PRH1: variants seen among roughly 807,000 people sequenced by gnomAD.
The protein encoded by PRH1 is salivary acidic proline-rich phosphoprotein 1/2.
PRH1 carries 7 observed loss-of-function variants against 7.9 expected under a neutral mutation model. That is an observed-to-expected ratio of 0.89 (90% confidence interval 0.50 to 1.67). The LOEUF (loss-of-function observed/expected upper bound fraction) is 1.67, where lower values mean the gene tolerates loss of function less well. PRH1 is among the 40% of genes most tolerant of loss of function. The pLI is 0.00. For missense variants in PRH1, 109 were observed against 223.6 expected, an observed-to-expected ratio of 0.49 and a Z score of 3.27; for synonymous variants, 45 against 80.8, an observed-to-expected ratio of 0.56 and a Z score of 2.38.
intron 2 of PRH1, among the ~76,000 whole-genome samples, chr12:10,949,852 T>C (rs1404633220): frequency 1.3e-5 from 2 of 152,050 alleles, no homozygotes; most frequent in African/African-American, 4.8e-5. Context: ...TTTAGTTTTC[T>C]TCCTCCCACA....
intron 1 of PRH1, chr12:10,997,890 G>A: frequency 6.5e-7 from 1 of 1,547,488 alleles, no homozygotes; most frequent in Non-Finnish European, 8.7e-7. Flanking sequence ...AAACAAAAAA[G>A]CAAGTAAAAA....
At chr12:11,140,822 T>C (rs183168650) in intron 1 of PRH1, among the ~76,000 whole-genome samples, 273 of 152,232 alleles carry the variant, frequency 1.8e-3, no homozygotes, top group African/African-American at 6.3e-3. Flanking sequence ...TATGACACAT[T>C]GGTTGTATAG....
intron 1 of PRH1, chr12:10,997,051 G>A (rs747469038): frequency 1.9e-6 from 3 of 1,613,944 alleles, no homozygotes; most frequent in African/African-American, 1.3e-5. Flanking sequence ...GAATGAATGA[G>A]TGGAATGATG....
chr12:11,094,778 C>CTT (rs1945037872), intron 1 of PRH1, among the ~76,000 whole-genome samples: 1 of 115,116 alleles, frequency 8.7e-6, no homozygotes, highest in Admixed American at 8.8e-5. Flanking sequence ...CAATACAAAA[C>CTT]TGGGAAATTC....
At chr12:11,162,577 G>T (rs1263040768) in intron 1 of PRH1, among the ~76,000 whole-genome samples, 1 of 152,134 alleles carries the variant, frequency 6.6e-6, no homozygotes, top group Non-Finnish European at 1.5e-5. Flanking sequence ...GTGGGAAGAA[G>T]GGTACATATG....
intron 1 of PRH1, among the ~76,000 whole-genome samples, chr12:11,019,252 CAAGTG>C (rs1210950442): frequency 5.6e-4 from 85 of 152,384 alleles, no homozygotes; most frequent in Non-Finnish European, 1.0e-3. Flanking sequence ...TATGGAGAGC[CAAGTG>C]CATGCATCTG....
At chr12:10,952,493 A>G (rs1937734862) in intron 2 of PRH1, among the ~76,000 whole-genome samples, 1 of 152,150 alleles carries the variant, frequency 6.6e-6, no homozygotes, top group Non-Finnish European at 1.5e-5. Flanking sequence ...TTTAAATACA[A>G]AGTTGGAGGA....
At position 11,096,867 on chromosome 12, in the gene PRH1, G is replaced by A. The variant is rs552551192; in HGVS notation, n.124-49679C>T. Among the ~76,000 whole-genome samples the A allele has an allele frequency of 6.0e-4, 68 of 114,206 alleles. 19 individuals carry two copies. The highest frequency in any genetic ancestry group is 1.9e-3 in the African/African-American group (65 of 34,058). The allele number at this position is 114,206 out of a possible 152,430, so 74.9% of individuals were successfully genotyped here. On this transcript the variant is annotated intron_variant and non_coding_transcript_variant, in intron 1 of 4. Transcript: ENST00000541977. ...GGCTGGAGTGCAGCGGCGCGATCTC[G>A]GCTCACTGCAAGCTCTGTCCCCGGG...
At chr12:10,973,626 T>C (rs547327427) in intron 2 of PRH1, 13 of 773,522 alleles carry the variant, frequency 1.7e-5, no homozygotes, top group South Asian at 1.6e-4. Flanking sequence ...TTTCATTTGA[T>C]CCTGTGTTAC....
chr12:11,035,158 A>G (rs1314793296), intron 1 of PRH1, among the ~76,000 whole-genome samples: 1 of 151,726 alleles, frequency 6.6e-6, no homozygotes, highest in Admixed American at 6.6e-5. Flanking sequence ...ATTTGGTTTT[A>G]GTTATCGTGT....
At chr12:11,084,157 A>T (rs1158781492) in intron 1 of PRH1, among the ~76,000 whole-genome samples, 1 of 120,092 alleles carries the variant, frequency 8.3e-6, no homozygotes, top group African/African-American at 2.8e-5. Context: ...AGGATTAAAA[A>T]CTCCTTCCCT....
At chr12:10,945,647 G>A (rs1480040496) in intron 2 of PRH1, among the ~76,000 whole-genome samples, 1 of 152,172 alleles carries the variant, frequency 6.6e-6, no homozygotes, top group Non-Finnish European at 1.5e-5. Context: ...GAATTGTCAT[G>A]GATAACATCT....
chr12:11,152,689 G>C (rs930124125), intron 1 of PRH1, among the ~76,000 whole-genome samples: 1 of 152,122 alleles, frequency 6.6e-6, no homozygotes, highest in African/African-American at 2.4e-5. Context: ...ATGTAACTTT[G>C]CTGTGCTCTC....
intron 2 of PRH1, among the ~76,000 whole-genome samples, chr12:10,944,899 G>C (rs934252641): frequency 2.0e-5 from 3 of 152,166 alleles, no homozygotes; most frequent in Admixed American, 1.3e-4. Context: ...TTGCATGCCA[G>C]GATGAGGCCT....
chr12:11,030,226 A>AACAC (rs5796420), intron 1 of PRH1, among the ~76,000 whole-genome samples: 108,679 of 131,776 alleles, frequency 0.82, 42,846 homozygotes, highest in Middle Eastern at 0.9. Context: ...TACACACATA[A>AACAC]ACACACACAT....
chr12:11,050,041 GAAT>G (rs1279814449), upstream of PRH1, among the ~76,000 whole-genome samples: 1 of 152,138 alleles, frequency 6.6e-6, no homozygotes, highest in Admixed American at 6.5e-5. Context: ...GTCAGACAAT[GAAT>G]AATATTTATC....
At position 11,056,222 on chromosome 12, in the gene PRH1, T is replaced by G. The variant is rs139497406; in HGVS notation, n.124-9034A>C. Among the ~76,000 whole-genome samples the G allele has an allele frequency of 3.8e-3, 578 of 152,396 alleles. 1 individual carries two copies. The highest frequency in any genetic ancestry group is 5.8e-3 in the Non-Finnish European group (395 of 68,044). On this transcript the variant is annotated intron_variant and non_coding_transcript_variant, in intron 1 of 4. Transcript: ENST00000541977. ...GTTTAATTAAAATACTCAGCAATTT[T>G]ATAACTATTCCTTGGGCACTTAAAA...
At chr12:11,125,684 G>A (rs549885673) in intron 1 of PRH1, among the ~76,000 whole-genome samples, 2 of 150,126 alleles carry the variant, frequency 1.3e-5, no homozygotes, top group South Asian at 2.1e-4. Flanking sequence ...TTAGAAAATT[G>A]TCCTGTATAT....
intron 2 of PRH1, among the ~76,000 whole-genome samples, chr12:10,971,417 C>T (rs6488332): frequency 0.24 from 36,997 of 151,692 alleles, 4,556 homozygotes; most frequent in Non-Finnish European, 0.25. Context: ...ATATACATTT[C>T]TTGTAAACAT....
Sources: allele counts gnomAD v4.1 joint callset (sites outside exome capture counted in the v4.1 genomes callset), GRCh38; gene constraint gnomAD v4.1.1; transcripts MANE v1.5; gene names NCBI Gene and HGNC (gene_info 2026-07-23, HGNC 2026-07-21).